Variants in ADARB2 observed in about 807,000 individuals in gnomAD.
The protein encoded by ADARB2 is inactive double-stranded RNA-specific editase B2.
A neutral mutation model predicts 62.2 loss-of-function variants in ADARB2; 25 were observed. That is an observed-to-expected ratio of 0.40 (90% CI 0.29 to 0.56). The LOEUF (loss-of-function observed/expected upper bound fraction) is 0.56. ADARB2 is among the 20% of genes least tolerant of loss of function. The pLI, the probability that ADARB2 is intolerant of heterozygous loss-of-function variation, is 0.43. For synonymous variants in ADARB2, 572 were observed against 500.8 expected, an observed-to-expected ratio of 1.14 and a Z score of -1.90; for missense variants, 1,071 against 1,077.4, an observed-to-expected ratio of 0.99 and a Z score of 0.08.
chr10:1,600,737 C>G (rs1364466204), intron 1 of ADARB2, among the ~76,000 whole-genome samples: 9 of 150,756 alleles, frequency 6.0e-5, no homozygotes, highest in African/African-American at 9.8e-5. Context: ...GCTGCTCCGA[C>G]TAGAAGGAGT....
At chr10:1,637,937 C>T (rs529052741) in intron 1 of ADARB2, among the ~76,000 whole-genome samples, 9 of 152,222 alleles carry the variant, frequency 5.9e-5, no homozygotes, top group South Asian at 2.1e-4. Flanking sequence ...TGAAAGAAAC[C>T]GCCAATATTT....
intron 1 of ADARB2, among the ~76,000 whole-genome samples, chr10:1,476,581 G>A (rs566112249): frequency 6.6e-6 from 1 of 152,308 alleles, no homozygotes; most frequent in South Asian, 2.1e-4. Flanking sequence ...CACACAGGAC[G>A]GGGGAGCTGA....
chr10:1,552,418 G>T (rs1487874921), intron 1 of ADARB2, among the ~76,000 whole-genome samples: 1 of 152,188 alleles, frequency 6.6e-6, no homozygotes, highest in East Asian at 1.9e-4. Context: ...GGGAGGCACA[G>T]CCCCAGTGCT....
intron 1 of ADARB2, among the ~76,000 whole-genome samples, chr10:1,688,484 C>A (rs1337499892): frequency 6.6e-6 from 1 of 151,758 alleles, no homozygotes; most frequent in Non-Finnish European, 1.5e-5. Flanking sequence ...GGGATGGCTC[C>A]GAGGGCAGGT....
rs545237231 is a variant in ADARB2 at position 1,273,840 on chromosome 10, G to A, written c.1078-2771C>T. ...GCCAGGACCTCCCGCATCTCCCAGG[G>A]AAAGCATCCGGGCACAGGGTTGATG... On this transcript the variant is annotated intron_variant, in intron 3 of 9. Coordinates refer to ENST00000381312, the MANE Select transcript of ADARB2 (RefSeq NM_018702.4). Among the ~76,000 whole-genome samples, 5 of 152,334 alleles carry A rather than the reference G, an allele frequency of 3.3e-5. 1 individual carries two copies. In the South Asian group the frequency reaches 6.2e-4, roughly 19 times the overall value.
At chr10:1,333,893 C>T (rs2131835189) in intron 3 of ADARB2, among the ~76,000 whole-genome samples, 1 of 152,280 alleles carries the variant, frequency 6.6e-6, no homozygotes, top group Non-Finnish European at 1.5e-5. Flanking sequence ...TCCTTTGCTA[C>T]CCAGACTGAT....
intron 3 of ADARB2, among the ~76,000 whole-genome samples, chr10:1,350,522 C>A (rs374141967): frequency 5.3e-5 from 8 of 152,296 alleles, no homozygotes; most frequent in Admixed American, 1.3e-4. Flanking sequence ...AGCTCTCCCC[C>A]ACCTGCCCAG....
chr10:1,510,134 T>C (rs546084888), intron 1 of ADARB2, among the ~76,000 whole-genome samples: 162 of 137,976 alleles, frequency 1.2e-3, no homozygotes, highest in African/African-American at 4.9e-3. Flanking sequence ...CTTTCTTTCT[T>C]TCTTTCTTTC....
chr10:1,728,372 A>T (rs1040131077), intron 1 of ADARB2, among the ~76,000 whole-genome samples: 1 of 152,158 alleles, frequency 6.6e-6, no homozygotes, highest in Non-Finnish European at 1.5e-5. Flanking sequence ...TTTAGTGAAG[A>T]TTTCTTTCTC....
intron 8 of ADARB2, among the ~76,000 whole-genome samples, chr10:1,186,308 C>T (rs1451096072): frequency 6.6e-6 from 1 of 152,214 alleles, no homozygotes; most frequent in Non-Finnish European, 1.5e-5. Context: ...GTGGGGGAGG[C>T]ACGTGCTGTT....
chr10:1,534,287 C>T (rs990405242), intron 1 of ADARB2, among the ~76,000 whole-genome samples: 3 of 152,202 alleles, frequency 2.0e-5, no homozygotes, highest in Non-Finnish European at 4.4e-5. Flanking sequence ...TAGGCACCCA[C>T]CACCATGCCT....
At position 1,350,982 on chromosome 10, in the gene ADARB2, C is replaced by T. The variant is rs1187580815; in HGVS notation, c.1077+12046G>A. ...ACTGGAACGCCTGAACCGCAGCTGC[C>T]AGGGTTTCCTCCAGGCCCGTTTACC... On this transcript the variant is annotated intron_variant, in intron 3 of 9. Transcript: ENST00000381312. 3.3e-5 allele frequency among the ~76,000 whole-genome samples: 5 copies of T among 152,198 alleles called. No individual in the cohort carries two copies. In the South Asian group the frequency reaches 6.2e-4, roughly 19 times the overall value.
intron 7 of ADARB2, among the ~76,000 whole-genome samples, chr10:1,206,371 G>A (rs1401646235): frequency 1.3e-5 from 2 of 151,808 alleles, no homozygotes; most frequent in Non-Finnish European, 2.9e-5. Flanking sequence ...GAGAACTGGG[G>A]CGTCTCCTTG....
chr10:1,334,097 C>T (rs906486093), intron 3 of ADARB2, among the ~76,000 whole-genome samples: 2 of 152,158 alleles, frequency 1.3e-5, no homozygotes, highest in African/African-American at 4.8e-5. Context: ...TAGGCAGGGG[C>T]CATGGCAAGA....
At chr10:1,202,844 A>G (rs767629175) in intron 7 of ADARB2, among the ~76,000 whole-genome samples, 3 of 152,242 alleles carry the variant, frequency 2.0e-5, no homozygotes, top group Non-Finnish European at 4.4e-5. Flanking sequence ...TCCGTGTTAG[A>G]GGCCGTCAGA....
rs1401786946 is a variant in ADARB2 at position 1,459,972 on chromosome 10, C to G, written c.101-80812G>C. Among the ~76,000 whole-genome samples, 2 of 141,392 alleles carry G rather than the reference C, an allele frequency of 1.4e-5. 1 individual carries two copies. The highest frequency in any genetic ancestry group is 3.0e-5 in the Non-Finnish European group (2 of 65,890). 92.8% of individuals were successfully genotyped at this position (141,392 alleles called of 152,430 possible). On this transcript the variant is annotated intron_variant, in intron 1 of 9. Transcript: ENST00000381312. Reference sequence around the variant, plus strand: ...GAACCTGCCTGTGACCTGAGTTTACCTGTGTAGCAAACCTGCCTGTGACCT... The same window carrying G: ...GAACCTGCCTGTGACCTGAGTTTACGTGTGTAGCAAACCTGCCTGTGACCT...
chr10:1,239,628 C>G (rs1554747042), intron 5 of ADARB2, among the ~76,000 whole-genome samples: 11 of 3,072 alleles, frequency 3.6e-3, no homozygotes, highest in Non-Finnish European at 4.8e-3. Context: ...ACTCCCCTCT[C>G]CCTCCCGGTG....
intron 5 of ADARB2, among the ~76,000 whole-genome samples, chr10:1,234,732 A>G (rs986018727): frequency 1.6e-5 from 2 of 127,460 alleles, no homozygotes; most frequent in Admixed American, 8.3e-5. Context: ...GCGAGCGACC[A>G]TGATCTTTTT....
At chr10:1,536,947 C>G (rs1480294719) in intron 1 of ADARB2, among the ~76,000 whole-genome samples, 1 of 152,076 alleles carries the variant, frequency 6.6e-6, no homozygotes, top group Non-Finnish European at 1.5e-5. Flanking sequence ...GCAACAAAAG[C>G]CAAAATTGAT....
Sources: allele counts gnomAD v4.1 joint callset (sites outside exome capture counted in the v4.1 genomes callset), GRCh38; gene constraint gnomAD v4.1.1; transcripts MANE v1.5; gene names NCBI Gene and HGNC (gene_info 2026-07-23, HGNC 2026-07-21).